The following ZNF469 variants were observed in gnomAD, a reference collection of about 807,000 sequenced individuals.
ZNF469 encodes zinc finger protein 469.
ZNF469 carries 1 observed loss-of-function variant against 1.0 expected under a neutral mutation model. That is an observed-to-expected ratio of 1.00 (90% CI 0.35 to 4.73). The LOEUF (loss-of-function observed/expected upper bound fraction) is 4.73. Among genes scored for constraint, ZNF469 ranks in the 30% most tolerant of loss-of-function variants. The pLI, the probability that ZNF469 is intolerant of heterozygous loss-of-function variation, is 0.16. For synonymous variants in ZNF469, 2,703 were observed against 2,363.4 expected (o/e 1.14, Z -4.17); for missense variants, 6,100 against 5,356.3 (o/e 1.14, Z -4.33).
chr16:88,309,172 G>A, the ZNF469 span, among the ~76,000 whole-genome samples: 2 of 152,226 alleles, frequency 1.3e-5, no homozygotes, highest in Non-Finnish European at 2.9e-5. Context: ...AGAGGCCTAA[G>A]GCTGATGCTC....
Position 88,435,939 on chromosome 16 carries a change from C to G in ZNF469, c.8469C>G (p.Asp2823Glu), listed in dbSNP as rs1483925080. The change falls in exon 3 of 3, where the codon GAC becomes GAG. Residue 2823 changes from aspartate to glutamate, a missense_variant. Coordinates refer to ENST00000565624, the MANE Select transcript of ZNF469 (RefSeq NM_001367624.2). ...TTSSCLQGLPDNPDTQGGVQG... is the reference protein window; with the variant it reads ...TTSSCLQGLPENPDTQGGVQG... ...GCAGCTGCCTCCAGGGCCTCCCGGA[C>G]AACCCAGACACCCAGGGTGGAGTCC... The G allele has an allele frequency of 2.6e-6, 4 of 1,550,034 alleles. No homozygotes were observed. In the African/African-American group the frequency reaches 4.1e-5, roughly 16 times the overall value.
At chr16:88,222,941 C>T in the ZNF469 span, among the ~76,000 whole-genome samples, 1 of 152,344 alleles carries the variant, frequency 6.6e-6, no homozygotes, top group East Asian at 1.9e-4. Context: ...CCCTACAGCA[C>T]CCAGCACCTG....
At position 88,429,228 on chromosome 16, in the gene ZNF469, C is replaced by T. The variant is rs1905938520; in HGVS notation, c.1758C>T (p.Ala586=). 2 of 1,549,804 alleles carry T rather than the reference C, an allele frequency of 1.3e-6. No homozygotes were observed. The highest frequency in any genetic ancestry group is 1.7e-6 in the Non-Finnish European group (2 of 1,146,820). The stretch of plus-strand genomic sequence containing the variant: ...TGCCCCCACCGAGGGTAGTGGGAGC[C>T]TCCCCCAGCGAGTCCCCACTGCCGT... ...PSLPPPRVVG[A]SPSESPLPSP... Residue 586 remains alanine, a synonymous_variant, in exon 3 of 3, where the codon GCC becomes GCT. Coordinates refer to ENST00000565624, the MANE Select transcript of ZNF469 (RefSeq NM_001367624.2).
At chr16:88,421,389 C>T (rs868125530) in intron 1 of ZNF469, among the ~76,000 whole-genome samples, 3 of 152,196 alleles carry the variant, frequency 2.0e-5, no homozygotes, top group Non-Finnish European at 2.9e-5. Flanking sequence ...CAAAGGGGTC[C>T]GGCCTACTGA....
At chr16:88,169,512 G>A in the ZNF469 span, among the ~76,000 whole-genome samples, 13,668 of 152,186 alleles carry the variant, frequency 0.09, 726 homozygotes, top group Admixed American at 0.16. This position sits in a 1 kb window ranked among gnomAD's most constrained non-coding sequence, Gnocchi z 6.1. Flanking sequence ...ACCAGAGTGC[G>A]TTTGGCGATC....
chr16:88,281,591 C>CTG, the ZNF469 span, among the ~76,000 whole-genome samples: 1 of 130,178 alleles, frequency 7.7e-6, no homozygotes, highest in South Asian at 2.5e-4. Flanking sequence ...AGTACCGTGT[C>CTG]AATTTTGGTG....
the ZNF469 span, among the ~76,000 whole-genome samples, chr16:88,187,598 T>G: frequency 6.6e-6 from 1 of 151,218 alleles, no homozygotes; most frequent in African/African-American, 2.5e-5. Flanking sequence ...CTTTTTTATT[T>G]ATTTTTTTTG....
At chr16:88,260,152 T>G in the ZNF469 span, among the ~76,000 whole-genome samples, 1 of 151,800 alleles carries the variant, frequency 6.6e-6, no homozygotes. This position sits in a 1 kb window ranked among gnomAD's most constrained non-coding sequence, Gnocchi z 4.1. Context: ...TAGTGTTTTT[T>G]TTTTTTTTTG....
the ZNF469 span, among the ~76,000 whole-genome samples, chr16:88,268,924 CAT>C: frequency 6.6e-6 from 1 of 152,134 alleles, no homozygotes; most frequent in African/African-American, 2.4e-5. Context: ...TCCTTGGACA[CAT>C]AGAGCCCTGG....
At chr16:88,230,695 C>T in the ZNF469 span, among the ~76,000 whole-genome samples, 1 of 58,932 alleles carries the variant, frequency 1.7e-5, no homozygotes, top group Non-Finnish European at 5.9e-5. Flanking sequence ...GAGCAGGTGT[C>T]GCTGTGGGTA....
At chr16:88,287,724 T>C in the ZNF469 span, among the ~76,000 whole-genome samples, 1 of 152,220 alleles carries the variant, frequency 6.6e-6, no homozygotes, top group Non-Finnish European at 1.5e-5. Context: ...CTATGAATGC[T>C]GGTGTGACGC....
chr16:88,134,902 C>A, the ZNF469 span, among the ~76,000 whole-genome samples: 1 of 152,264 alleles, frequency 6.6e-6, no homozygotes, highest in Non-Finnish European at 1.5e-5. Context: ...GATATTTACT[C>A]CTTGCCATAT....
At chr16:88,385,328 G>T (rs973359753) in intron 1 of ZNF469, among the ~76,000 whole-genome samples, 1 of 151,996 alleles carries the variant, frequency 6.6e-6, no homozygotes, top group African/African-American at 2.4e-5. Context: ...CCTCCCTTCC[G>T]GTTCTGACTC....
chr16:88,218,608 G>T, the ZNF469 span, among the ~76,000 whole-genome samples: 2 of 151,304 alleles, frequency 1.3e-5, no homozygotes, highest in African/African-American at 4.9e-5. Context: ...GGTATTGATG[G>T]GACGTATTTC....
chr16:88,112,379 G>C, the ZNF469 span, among the ~76,000 whole-genome samples: 6 of 152,228 alleles, frequency 3.9e-5, no homozygotes, highest in African/African-American at 1.4e-4. Flanking sequence ...CACAGCGGCT[G>C]TATTAATTTA....
the ZNF469 span, among the ~76,000 whole-genome samples, chr16:88,210,702 G>A: frequency 6.6e-6 from 1 of 152,242 alleles, no homozygotes; most frequent in African/African-American, 2.4e-5. Context: ...CTAGAGACGT[G>A]AACGTCACTT....
chr16:88,148,206 A>G, the ZNF469 span, among the ~76,000 whole-genome samples: 1 of 152,084 alleles, frequency 6.6e-6, no homozygotes, highest in East Asian at 1.9e-4. Flanking sequence ...TCACTCACCA[A>G]CTTGCCCCTC....
the ZNF469 span, among the ~76,000 whole-genome samples, chr16:88,316,545 C>CTTTTTTGTTTTTT: frequency 9.9e-6 from 1 of 101,012 alleles, no homozygotes; most frequent in African/African-American, 4.2e-5. Flanking sequence ...TAGGTGCTGT[C>CTTTTTTGTTTTTT]TTTTTTTTTT....
chr16:88,125,680 C>T, the ZNF469 span, among the ~76,000 whole-genome samples: 2 of 152,182 alleles, frequency 1.3e-5, no homozygotes, highest in Non-Finnish European at 2.9e-5. Flanking sequence ...TTTATATGAT[C>T]TGAAGAGAAA....
Sources: gnomAD v4.1 joint callset for allele counts (sites outside exome capture counted in the v4.1 genomes callset) on GRCh38, gnomAD v4.1.1 for gene constraint, Gnocchi (gnomAD v3.1) non-coding constraint, MANE v1.5 for transcripts, NCBI Gene and HGNC (gene_info 2026-07-23, HGNC 2026-07-21) for gene names.